ZNF133: variants seen among roughly 807,000 people sequenced by gnomAD.
The protein encoded by ZNF133 is zinc finger protein 133 (clone pHZ-13).
In ZNF133, 26 loss-of-function variants were observed where a neutral mutation model predicts 54.9. That is an observed-to-expected ratio of 0.47 (90% CI 0.35 to 0.66). The LOEUF (loss-of-function observed/expected upper bound fraction) is 0.66, where lower values mean the gene tolerates loss of function less well. Among genes scored for constraint, ZNF133 ranks in the 30% least tolerant of loss-of-function variants. The probability of loss-of-function intolerance (pLI) is 0.01; values close to 1 mark genes in which losing one functional copy is unlikely to be tolerated. For synonymous variants in ZNF133, 298 were observed against 320.3 expected (o/e 0.93, Z 0.74); for missense variants, 653 against 820.8 (o/e 0.80, Z 2.50).
chr20:18,309,513 A>G (rs990519851), intron 6 of ZNF133, among the ~76,000 whole-genome samples: 8 of 152,218 alleles, frequency 5.3e-5, no homozygotes, highest in African/African-American at 1.9e-4. Flanking sequence ...GCTGTGTCAG[A>G]GAAGGGAATG....
chr20:18,313,178 A>T (rs1481311987), intron 6 of ZNF133: 1 of 152,244 alleles, frequency 6.6e-6, no homozygotes, highest in African/African-American at 2.4e-5. Flanking sequence ...TCTAAGACTA[A>T]ATATTCCTAG....
chr20:18,300,914 T>G (rs1432420034), intron 3 of ZNF133, among the ~76,000 whole-genome samples: 1 of 151,788 alleles, frequency 6.6e-6, no homozygotes, highest in Non-Finnish European at 1.5e-5. Flanking sequence ...AGACAATAAG[T>G]AAAAAAATAG....
intron 3 of ZNF133, among the ~76,000 whole-genome samples, chr20:18,303,607 TAGAAC>T (rs1251320814): frequency 6.6e-6 from 1 of 152,114 alleles, no homozygotes; most frequent in African/African-American, 2.4e-5. Context: ...TACAGACTAA[TAGAAC>T]AGAATAGAGA....
chr20:18,310,343 T>C (rs918151485), intron 6 of ZNF133: 2 of 1,517,218 alleles, frequency 1.3e-6, no homozygotes, highest in Non-Finnish European at 1.8e-6. Flanking sequence ...TTATTCTATA[T>C]TTGGGACTTG....
chr20:18,305,528 A>T lies in ZNF133; in HGVS notation c.-6-153A>T. On this transcript the variant is annotated intron_variant, in intron 4 of 6. Coordinates refer to ENST00000425686, the MANE Select transcript of ZNF133 (RefSeq NM_001352452.2). This position sits in a 1 kb window ranked among gnomAD's most constrained non-coding sequence, Gnocchi z 4.7. ...CACAAATGCCACTGGCTGGATTGAG[A>T]CAGGGATTTAAAAGTCTTGGAACAC... 9.1e-7 allele frequency: 1 copy of T among 1,101,670 alleles called. No individual in the cohort carries two copies. The highest frequency in any genetic ancestry group is 1.3e-6 in the Non-Finnish European group (1 of 776,226). The allele number at this position is 1,101,670 out of a possible 1,614,324, so 68.2% of individuals were successfully genotyped here.
chr20:18,310,899 GT>G (rs1481837018), intron 6 of ZNF133, among the ~76,000 whole-genome samples: 1 of 152,072 alleles, frequency 6.6e-6, no homozygotes, highest in Non-Finnish European at 1.5e-5. Flanking sequence ...AAATTAATTA[GT>G]TTTTTAAAAG....
chr20:18,292,491 CT>C (rs2146856957), intron 1 of ZNF133, among the ~76,000 whole-genome samples: 1 of 152,272 alleles, frequency 6.6e-6, no homozygotes, highest in Non-Finnish European at 1.5e-5. Context: ...CCTAGATGTT[CT>C]TTTCAAAGTT....
Position 18,298,445 on chromosome 20 carries a change from G to C in ZNF133, c.-197G>C. 1 of 600,368 alleles carries C rather than the reference G, an allele frequency of 1.7e-6. No homozygotes were observed. The highest frequency in any genetic ancestry group is 2.2e-6 in the Non-Finnish European group (1 of 460,760). The allele number at this position is 600,368 out of a possible 1,614,324, so 37.2% of individuals were successfully genotyped here. A position where few individuals can be genotyped will look rare whatever the true frequency, so the allele number is the denominator to read the frequency against. Reference sequence around the variant, plus strand: ...TCTAGTTGAAGGCCTCCAGTTCCCAGGGGGAAGGAAGCATGGAGGGTAAGT... The same window carrying C: ...TCTAGTTGAAGGCCTCCAGTTCCCACGGGGAAGGAAGCATGGAGGGTAAGT... On this transcript the variant is annotated 5_prime_UTR_variant, in exon 3 of 7. Coordinates refer to ENST00000425686, the MANE Select transcript of ZNF133 (RefSeq NM_001352452.2).
chr20:18,292,016 G>C (rs183373433), intron 1 of ZNF133, among the ~76,000 whole-genome samples: 31 of 152,240 alleles, frequency 2.0e-4, no homozygotes, highest in Admixed American at 3.3e-4. Flanking sequence ...CTTTCCTTCA[G>C]ATTGCTTGGA....
chr20:18,310,190 G>T, intron 6 of ZNF133: 1 of 1,401,630 alleles, frequency 7.1e-7, no homozygotes, highest in Non-Finnish European at 9.2e-7. Flanking sequence ...CTCTTACAAT[G>T]ATGTTGAGCA....
intron 3 of ZNF133, among the ~76,000 whole-genome samples, chr20:18,303,802 C>T (rs796816948): frequency 5.3e-5 from 8 of 152,190 alleles, no homozygotes; most frequent in African/African-American, 1.4e-4. Flanking sequence ...GAAAATGGAT[C>T]GAAGACCTAA....
chr20:18,288,614 G>A lies in ZNF133; in HGVS notation c.-432+10G>A, dbSNP rs2424147. The A allele has an allele frequency of 0.017, 6,740 of 398,664 alleles. 364 individuals carry two copies. Among genetic ancestry groups the A allele is most frequent in the African/African-American group, 0.12 (6,004 of 48,708 alleles). The allele number at this position is 398,664 out of a possible 1,614,324, so 24.7% of individuals were successfully genotyped here. On this transcript the variant is annotated intron_variant, in intron 1 of 6. Transcript: ENST00000425686. ...TTCTTTGGTGGCGCTGGTGAGTGAG[G>A]CTCCCGCGGGACCCTTGCCGCAGCC... is the stretch of plus-strand genomic sequence containing the variant.
At position 18,316,785 on chromosome 20, in the gene ZNF133, G is replaced by A. The variant is rs2047612185; in HGVS notation, c.1934G>A (p.Gly645Glu). ...CAGCCCGACCCTGAGCCGTGTGCAG[G>A]GCAACCTTCGGATTCCTTATACTCT... is the stretch of plus-strand genomic sequence containing the variant. ...PVQPDPEPCA[G>E]QPSDSLYSL The change falls in exon 7 of 7, where the codon GGG becomes GAG. Residue 645 changes from glycine to glutamate, a missense_variant. This residue lies in a region of ZNF133 where 129 missense variants were observed against 138.5 expected (regional missense o/e 0.93). Coordinates refer to ENST00000425686, the MANE Select transcript of ZNF133 (RefSeq NM_001352452.2). 7 of 1,613,332 alleles carry A rather than the reference G, an allele frequency of 4.3e-6. No individual in the cohort carries two copies. Among genetic ancestry groups the A allele is most frequent in the Non-Finnish European group, 5.1e-6 (6 of 1,179,582 alleles).
rs2047166112 is a variant in ZNF133, at chr20:18,315,143, C to T, written c.292C>T (p.His98Tyr). Residue 98 changes from histidine to tyrosine, a missense_variant, in exon 7 of 7, where the codon CAT becomes TAT. Physicochemically the swap from His to Tyr is moderately conservative, Grantham distance 83 (BLOSUM62 2). This residue lies in a region of ZNF133 where 227 missense variants were observed against 233.9 expected (regional missense o/e 0.97). Coordinates refer to ENST00000425686, the MANE Select transcript of ZNF133 (RefSeq NM_001352452.2). ...CTCCAGTCAGAAATTCCCCATGCAG[C>T]ATGTGCTGTGTAATCATCCCCCCTG... ...GFSSQKFPMQ[H>Y]VLCNHPPWIF... 6 of 1,602,480 alleles carry T rather than the reference C, an allele frequency of 3.7e-6. No homozygotes were observed. The highest frequency in any genetic ancestry group is 1.7e-5 in the Admixed American group (1 of 58,882).
intron 1 of ZNF133, chr20:18,289,972 G>A (rs558876313): frequency 6.6e-6 from 1 of 152,504 alleles, no homozygotes; most frequent in East Asian, 1.9e-4. Flanking sequence ...TTTCTTGAAC[G>A]CTTTTTGTTC....
chr20:18,306,139 A>G lies in ZNF133; in HGVS notation c.122-159A>G, dbSNP rs2044530873. Reference sequence around the variant, plus strand: ...AATCAGTGTACTCTCATCTGAGTTCACTGCCCACTCATCCCTTCCATTTCT... The same window carrying G: ...AATCAGTGTACTCTCATCTGAGTTCGCTGCCCACTCATCCCTTCCATTTCT... On this transcript the variant is annotated intron_variant, in intron 5 of 6. Transcript: ENST00000425686. The G allele has an allele frequency of 4.5e-6, 3 of 661,378 alleles. No individual in the cohort carries two copies. The East Asian group carries it at 8.2e-5, about 18-fold the overall frequency. 41.0% of individuals were successfully genotyped at this position (661,378 alleles called of 1,614,324 possible). A position where few individuals can be genotyped will look rare whatever the true frequency, so the allele number is the denominator to read the frequency against.
At position 18,315,417 on chromosome 20, in the gene ZNF133, G is replaced by A. The variant is rs752706917; in HGVS notation, c.566G>A (p.Ser189Asn). 3 of 1,614,118 alleles carry A rather than the reference G, an allele frequency of 1.9e-6. No homozygotes were observed. Among genetic ancestry groups the A allele is most frequent in the Non-Finnish European group, 2.5e-6 (3 of 1,179,964 alleles). The change falls in exon 7 of 7, where the codon AGC (serine) becomes AAC (asparagine). Residue 189 changes from serine (S) to asparagine (N), a missense_variant. Ser to Asn is a conservative substitution (Grantham distance 46, BLOSUM62 1). Coordinates refer to ENST00000425686, the MANE Select transcript of ZNF133 (RefSeq NM_001352452.2). ...NGLRGVELEA[S>N]PAQSGNPEET... ...CTCAGAGGGGTGGAGTTAGAAGCCA[G>A]CCCAGCTCAGTCAGGGAACCCTGAG...
rs1295209227 is a variant in ZNF133 at position 18,288,569 on chromosome 20, G to C, written c.-467G>C. The stretch of plus-strand genomic sequence containing the variant: ...CCCCGCTGGAGGAGCTCCCCAGCTG[G>C]TGGCTGGAGCGACCCCTTGTTCTTT... On this transcript the variant is annotated 5_prime_UTR_variant, in exon 1 of 7. Transcript: ENST00000425686. 14 of 398,588 alleles carry C rather than the reference G, an allele frequency of 3.5e-5. No individual in the cohort carries two copies. The allele number at this position is 398,588 out of a possible 1,614,324, so 24.7% of individuals were successfully genotyped here.
chr20:18,315,948 G>A lies in ZNF133; in HGVS notation c.1097G>A (p.Arg366Lys), dbSNP rs772095724. 6.2e-7 allele frequency: 1 copy of A among 1,610,008 alleles called. No homozygotes were observed. The highest frequency in any genetic ancestry group is 8.5e-7 in the Non-Finnish European group (1 of 1,178,846). Residue 366 changes from arginine (R) to lysine (K), a missense_variant, in exon 7 of 7, where the codon AGG becomes AAG. Physicochemically the swap from Arg to Lys is conservative, Grantham distance 26. Around this residue, in one of 4 missense-constraint regions of ZNF133, gnomAD observed 292 missense variants for 431.6 expected, o/e 0.68. Coordinates refer to ENST00000425686, the MANE Select transcript of ZNF133 (RefSeq NM_001352452.2). ...GACTGTGGCCTGGGCTTCAGCGACA[G>A]GTCAAACCTCATCTCCCACCAGAGG... is the stretch of plus-strand genomic sequence containing the variant. Reference protein sequence around the residue: ...CSDCGLGFSDRSNLISHQRTH... With the variant: ...CSDCGLGFSDKSNLISHQRTH...
Sources: gnomAD v4.1 joint callset for allele counts (sites outside exome capture counted in the v4.1 genomes callset) on GRCh38, gnomAD v4.1.1 for gene constraint, gnomAD v4.1.1 regional missense constraint, Gnocchi (gnomAD v3.1) non-coding constraint, MANE v1.5 for transcripts, NCBI Gene and HGNC (gene_info 2026-07-23, HGNC 2026-07-21) for gene names.